The following PLCB1 variants were observed in gnomAD, a reference collection of about 807,000 sequenced individuals.
PLCB1 encodes the protein phospholipase C beta 1, also known as 1-phosphatidylinositol 4,5-bisphosphate phosphodiesterase beta-1.
PLCB1 carries 46 observed loss-of-function variants against 161.8 expected under a neutral mutation model. The observed-to-expected ratio is 0.28, with a 90% confidence interval of 0.22 to 0.36. The LOEUF (loss-of-function observed/expected upper bound fraction) is 0.36, where lower values mean the gene tolerates loss of function less well. Ranked by LOEUF, PLCB1 falls within the 10% of genes least tolerant of loss-of-function variation. The pLI is 1.00. For missense variants in PLCB1, 1,016 were observed against 1,472.5 expected (o/e 0.69, Z 5.07); for synonymous variants, 517 against 503.7 (o/e 1.03, Z -0.35).
chr20:8,580,700 T>A (rs1273119109), intron 3 of PLCB1, among the ~76,000 whole-genome samples: 1 of 152,250 alleles, frequency 6.6e-6, no homozygotes, highest in Non-Finnish European at 1.5e-5. Flanking sequence ...CAAATGCCAT[T>A]TATGCTTTCA....
chr20:8,395,671 A>G (rs563842543), intron 3 of PLCB1, among the ~76,000 whole-genome samples: 2 of 152,146 alleles, frequency 1.3e-5, no homozygotes, highest in South Asian at 4.1e-4. Context: ...GTAATAGCGA[A>G]CTAGACTCAG....
intron 9 of PLCB1, among the ~76,000 whole-genome samples, chr20:8,665,863 TCAGGCAAGAGAC>T (rs1220350274): frequency 2.6e-5 from 4 of 152,166 alleles, no homozygotes; most frequent in Non-Finnish European, 5.9e-5. Context: ...CCAGTAAACC[TCAGGCAAGAGAC>T]TTGACTTGTG....
At chr20:8,638,050 C>T (rs1179477949) in intron 4 of PLCB1, among the ~76,000 whole-genome samples, 1 of 152,184 alleles carries the variant, frequency 6.6e-6, no homozygotes, top group South Asian at 2.1e-4. Context: ...CACCCGCCAC[C>T]ATGCCCGGCT....
chr20:8,202,488 C>T (rs1280487515), intron 2 of PLCB1, among the ~76,000 whole-genome samples: 1 of 152,196 alleles, frequency 6.6e-6, no homozygotes, highest in East Asian at 1.9e-4. Flanking sequence ...TATGTGGGCA[C>T]TTTCTACTTA....
chr20:8,604,745 C>A (rs1473790444), intron 3 of PLCB1, among the ~76,000 whole-genome samples: 1 of 152,104 alleles, frequency 6.6e-6, no homozygotes, highest in Non-Finnish European at 1.5e-5. Flanking sequence ...TTGGGCAATT[C>A]AAGAGGTCTA....
At chr20:8,253,265 G>T (rs555334280) in intron 2 of PLCB1, among the ~76,000 whole-genome samples, 40 of 152,024 alleles carry the variant, frequency 2.6e-4, no homozygotes, top group East Asian at 9.7e-4. Context: ...TGTTGTTGTT[G>T]TTTTTCCTTG....
At chr20:8,690,467 G>T (rs1990452125) in intron 10 of PLCB1, among the ~76,000 whole-genome samples, 3 of 152,172 alleles carry the variant, frequency 2.0e-5, no homozygotes, top group South Asian at 2.1e-4. Flanking sequence ...GGAAAGAAAT[G>T]ACATGGGAGT....
intron 2 of PLCB1, among the ~76,000 whole-genome samples, chr20:8,204,578 A>C (rs1978429340): frequency 1.3e-5 from 2 of 151,872 alleles, no homozygotes; most frequent in African/African-American, 4.8e-5. Context: ...CTTCCACCCA[A>C]CCTTGCTCCC....
rs559136150 is a variant in PLCB1, at chr20:8,147,872, GT to G, written c.100-2404del. ...TGTTCCTAAATATAAATTTTGAAAAGTTTTTTTTTTTTTTTTTTGAGACGGC... is the reference window on the plus strand; with the variant it reads ...TGTTCCTAAATATAAATTTTGAAAAGTTTTTTTTTTTTTTTTTGAGACGGC... On this transcript the variant is annotated intron_variant, in intron 1 of 31. Coordinates refer to ENST00000338037, the MANE Select transcript of PLCB1 (RefSeq NM_015192.4). 7.8e-3 allele frequency among the ~76,000 whole-genome samples: 1,017 copies of G among 130,432 alleles called. 5 individuals carry two copies. Among genetic ancestry groups the G allele is most frequent in the Non-Finnish European group, 0.011 (685 of 63,016 alleles). 85.6% of individuals were successfully genotyped at this position (130,432 alleles called of 152,430 possible). A position where few individuals can be genotyped will look rare whatever the true frequency, so the allele number is the denominator to read the frequency against.
At chr20:8,276,652 T>G (rs893041035) in intron 2 of PLCB1, among the ~76,000 whole-genome samples, 5 of 152,184 alleles carry the variant, frequency 3.3e-5, no homozygotes, top group African/African-American at 1.2e-4. Flanking sequence ...CTATTTGAGC[T>G]TTTTTCCAAA....
chr20:8,792,351 G>C (rs1475285030), intron 31 of PLCB1, among the ~76,000 whole-genome samples: 2 of 152,190 alleles, frequency 1.3e-5, no homozygotes, highest in Non-Finnish European at 2.9e-5. Flanking sequence ...CAAGGCTAGA[G>C]AGAGTTCAGT....
intron 3 of PLCB1, among the ~76,000 whole-genome samples, chr20:8,588,849 G>A (rs1271945624): frequency 1.3e-5 from 2 of 152,118 alleles, no homozygotes; most frequent in African/African-American, 2.4e-5. Context: ...TCTGCACTGT[G>A]GCTTTTCTGA....
chr20:8,677,502 G>A (rs923697944), intron 9 of PLCB1, among the ~76,000 whole-genome samples: 1 of 152,126 alleles, frequency 6.6e-6, no homozygotes, highest in African/African-American at 2.4e-5. Context: ...CAAGACAACA[G>A]CTTTCAGACT....
intron 2 of PLCB1, among the ~76,000 whole-genome samples, chr20:8,328,149 G>A (rs2122182331): frequency 6.6e-6 from 1 of 152,130 alleles, no homozygotes; most frequent in African/African-American, 2.4e-5. Flanking sequence ...TTTCTTTTGA[G>A]CATCATATTG....
intron 31 of PLCB1, among the ~76,000 whole-genome samples, chr20:8,821,557 A>G (rs558498857): frequency 8.8e-6 from 1 of 113,974 alleles, no homozygotes; most frequent in African/African-American, 3.2e-5. Flanking sequence ...ATATATATAT[A>G]TTTAAATGAC....
At chr20:8,478,699 A>C (rs1982380311) in intron 3 of PLCB1, among the ~76,000 whole-genome samples, 1 of 152,142 alleles carries the variant, frequency 6.6e-6, no homozygotes, top group Admixed American at 6.5e-5. Context: ...TAAATAGTTA[A>C]AATTTTCATT....
intron 4 of PLCB1, among the ~76,000 whole-genome samples, chr20:8,637,798 TTTA>T (rs1473030301): frequency 6.6e-6 from 1 of 152,252 alleles, no homozygotes; most frequent in African/African-American, 2.4e-5. Context: ...CATGTAAATT[TTTA>T]TTATATTTGT....
At chr20:8,331,966 C>T (rs1985382657) in intron 2 of PLCB1, among the ~76,000 whole-genome samples, 1 of 152,176 alleles carries the variant, frequency 6.6e-6, no homozygotes, top group Non-Finnish European at 1.5e-5. Context: ...TCCCATTTAA[C>T]CATGGACTTT....
At chr20:8,840,392 A>G (rs927131672) in intron 31 of PLCB1, among the ~76,000 whole-genome samples, 4 of 152,226 alleles carry the variant, frequency 2.6e-5, no homozygotes, top group Admixed American at 2.6e-4. Flanking sequence ...ACTGTGTGAC[A>G]TGGGCCATAG....
Sources: gnomAD v4.1 joint callset for allele counts (sites outside exome capture counted in the v4.1 genomes callset) on GRCh38, gnomAD v4.1.1 for gene constraint, MANE v1.5 for transcripts, NCBI Gene and HGNC (gene_info 2026-07-23, HGNC 2026-07-21) for gene names.